STX8: variants seen among roughly 807,000 people sequenced by gnomAD.
STX8 encodes syntaxin-8.
STX8 carries 23 observed loss-of-function variants against 37.5 expected under a neutral mutation model. The observed-to-expected ratio is 0.61, with a 90% CI of 0.44 to 0.87. The LOEUF is 0.87. Among genes scored for constraint, STX8 ranks in the 40% least tolerant of loss-of-function variants. The pLI is 0.00. For missense variants in STX8, 313 were observed against 284.7 expected, an observed-to-expected ratio of 1.10 and a Z score of -0.71; for synonymous variants, 115 against 99.1, an observed-to-expected ratio of 1.16 and a Z score of -0.95.
chr17:9,326,136 T>C (rs115464204), intron 7 of STX8, among the ~76,000 whole-genome samples: 16,345 of 151,920 alleles, frequency 0.11, 2,872 homozygotes, highest in African/African-American at 0.37. Context: ...TTCCTTTTTT[T>C]TTTTTTCTTT....
At chr17:9,287,179 T>C (rs1452999772) in intron 7 of STX8, among the ~76,000 whole-genome samples, 1 of 152,154 alleles carries the variant, frequency 6.6e-6, no homozygotes, top group Non-Finnish European at 1.5e-5. Context: ...AGCAGATGGA[T>C]AAGTCATCAG....
chr17:9,549,079 A>C (rs977032463), intron 3 of STX8, among the ~76,000 whole-genome samples: 2 of 152,214 alleles, frequency 1.3e-5, no homozygotes, highest in African/African-American at 4.8e-5. Context: ...TCAAGCCTAG[A>C]AAAGTCTGAG....
intron 7 of STX8, among the ~76,000 whole-genome samples, chr17:9,324,734 C>T (rs1909697902): frequency 8.1e-6 from 1 of 123,110 alleles, no homozygotes; most frequent in African/African-American, 3.3e-5. Flanking sequence ...CACTGCACTC[C>T]AACATGGGTG....
At chr17:9,505,366 G>A (rs1597714115) in intron 4 of STX8, among the ~76,000 whole-genome samples, 5 of 152,272 alleles carry the variant, frequency 3.3e-5, no homozygotes, top group Admixed American at 3.3e-4. Context: ...TTGGTCCTCA[G>A]AATTACAGCC....
At chr17:9,565,824 A>G (rs1402602751) in intron 2 of STX8, among the ~76,000 whole-genome samples, 1 of 152,170 alleles carries the variant, frequency 6.6e-6, no homozygotes, top group South Asian at 2.1e-4. Context: ...TGGATTAAAG[A>G]CTTAACTGTA....
intron 4 of STX8, among the ~76,000 whole-genome samples, chr17:9,530,062 C>T (rs1905751409): frequency 6.6e-6 from 1 of 152,100 alleles, no homozygotes. Context: ...AATCCCAGCA[C>T]TTTGGGAGGC....
intron 6 of STX8, among the ~76,000 whole-genome samples, chr17:9,450,481 C>T (rs1563677): frequency 1.4e-4 from 21 of 151,348 alleles, no homozygotes; most frequent in Non-Finnish European, 2.4e-4. Context: ...CCCATATATA[C>T]GGATGTGTGT....
intron 4 of STX8, among the ~76,000 whole-genome samples, chr17:9,517,788 T>TAAAAAA (rs11318149): frequency 1.6e-4 from 16 of 98,730 alleles, no homozygotes; most frequent in African/African-American, 3.8e-4. Flanking sequence ...ACCCCTATTG[T>TAAAAAA]AAAAAAAAAA....
At chr17:9,273,287 C>G (rs1027369201) in intron 7 of STX8, 1 of 152,248 alleles carries the variant, frequency 6.6e-6, no homozygotes, top group South Asian at 2.1e-4. Flanking sequence ...CGAACGAGAG[C>G]AACTGGAGCC....
At chr17:9,488,646 A>G (rs1278860774) in intron 6 of STX8, among the ~76,000 whole-genome samples, 1 of 152,180 alleles carries the variant, frequency 6.6e-6, no homozygotes, top group Non-Finnish European at 1.5e-5. Flanking sequence ...GGGCCAAGGA[A>G]TGTAGCTGGA....
intron 3 of STX8, chr17:9,553,879 G>A (rs1221183599): frequency 6.6e-6 from 1 of 152,218 alleles, no homozygotes; most frequent in East Asian, 1.9e-4. Flanking sequence ...CACACAGCCT[G>A]TGTTTGAACC....
rs138632133 is a variant in STX8, at chr17:9,528,458, C to T, written c.323+16714G>A. 7.3e-4 allele frequency among the ~76,000 whole-genome samples: 111 copies of T among 152,158 alleles called. No homozygotes were observed. In the East Asian group the frequency reaches 0.019, roughly 26 times the overall value. The stretch of plus-strand genomic sequence containing the variant: ...GATTACAGGCGCGTGCCACCATGCC[C>T]GGCTAATTTTTGTATTTTTAGTAGA... On this transcript the variant is annotated intron_variant, in intron 4 of 7. Transcript: ENST00000306357.
chr17:9,356,960 G>GTTTTTTTTTTTTTTTT lies in STX8; in HGVS notation c.643+21576_643+21591dup, dbSNP rs140965935. On this transcript the variant is annotated intron_variant, in intron 7 of 7. Coordinates refer to ENST00000306357, the MANE Select transcript of STX8 (RefSeq NM_004853.3). ...TTTCATTCTCTCCATCCTTTTAACA[G>GTTTTTTTTTTTTTTTT]TTTTTTTTTTTTTTTTTTTTTTTTT... Among the ~76,000 whole-genome samples, 42 of 61,746 alleles carry GTTTTTTTTTTTTTTTT rather than the reference G, an allele frequency of 6.8e-4. 1 individual carries two copies. The highest frequency in any genetic ancestry group is 2.4e-3 in the African/African-American group (38 of 16,088). 40.5% of individuals were successfully genotyped at this position (61,746 alleles called of 152,430 possible).
chr17:9,539,430 T>C (rs897429038), intron 4 of STX8, among the ~76,000 whole-genome samples: 1 of 152,232 alleles, frequency 6.6e-6, no homozygotes, highest in Non-Finnish European at 1.5e-5. Context: ...ACAGATCTTG[T>C]GGCATTGCTG....
chr17:9,500,961 C>T (rs1458689171), intron 5 of STX8, among the ~76,000 whole-genome samples: 1 of 152,006 alleles, frequency 6.6e-6, no homozygotes, highest in Non-Finnish European at 1.5e-5. Flanking sequence ...GCCAAGATCT[C>T]GCTACTGCAC....
At chr17:9,515,598 C>A (rs1054555404) in intron 4 of STX8, among the ~76,000 whole-genome samples, 2 of 152,178 alleles carry the variant, frequency 1.3e-5, no homozygotes, top group African/African-American at 4.8e-5. Context: ...TCATCTCTCA[C>A]CACACCCTTG....
intron 6 of STX8, among the ~76,000 whole-genome samples, chr17:9,385,731 A>AT (rs762922081): frequency 1.4e-4 from 22 of 152,282 alleles, no homozygotes; most frequent in Middle Eastern, 6.8e-3. Flanking sequence ...AGTTAACCAT[A>AT]TATCTACCAT....
At chr17:9,370,075 C>T (rs1452615725) in intron 7 of STX8, among the ~76,000 whole-genome samples, 1 of 151,562 alleles carries the variant, frequency 6.6e-6, no homozygotes, top group African/African-American at 2.4e-5. Context: ...ATTAGCCAGG[C>T]ATGGTGATAC....
At chr17:9,338,965 A>G (rs12944043) in intron 7 of STX8, among the ~76,000 whole-genome samples, 22,726 of 151,242 alleles carry the variant, frequency 0.15, 1,908 homozygotes, top group African/African-American at 0.21. Context: ...CAGCTACTCC[A>G]GAGGCTGAGG....
Sources: allele counts gnomAD v4.1 joint callset (sites outside exome capture counted in the v4.1 genomes callset), GRCh38; gene constraint gnomAD v4.1.1; transcripts MANE v1.5; gene names NCBI Gene and HGNC (gene_info 2026-07-23, HGNC 2026-07-21).